SLC4A5: variants seen among roughly 807,000 people sequenced by gnomAD.
SLC4A5 encodes solute carrier family 4 member 5.
SLC4A5 carries 96 observed loss-of-function variants against 120.4 expected under a neutral mutation model. That is an observed-to-expected ratio of 0.80 (90% CI 0.68 to 0.94). The LOEUF is 0.94. Ranked by LOEUF, SLC4A5 falls within the 40% of genes least tolerant of loss-of-function variation. The pLI, the probability that SLC4A5 is intolerant of heterozygous loss-of-function variation, is 0.00. For synonymous variants in SLC4A5, 550 were observed against 571.1 expected, an observed-to-expected ratio of 0.96 and a Z score of 0.53; for missense variants, 1,259 against 1,459.5, an observed-to-expected ratio of 0.86 and a Z score of 2.24.
At chr2:74,247,100 G>A in exon 19 of SLC4A5, 1 of 1,614,202 alleles carries the variant, frequency 6.2e-7, no homozygotes, top group Non-Finnish European at 8.5e-7. Flanking sequence ...AGTCCATATT[G>A]ATAGGGTAGT....
chr2:74,289,408 C>T (rs977813386), intron 7 of SLC4A5, among the ~76,000 whole-genome samples: 4 of 152,108 alleles, frequency 2.6e-5, no homozygotes, highest in African/African-American at 9.7e-5. Context: ...CCTCCACCAC[C>T]TGGGTTCAAG....
At position 74,252,357 on chromosome 2, in the gene SLC4A5, G is replaced by A; in HGVS notation, c.1300C>T (p.Gln434Ter). ...CCTCCTCCCACAGAGCCATTCATCT[G>A]GCCCAGCTCTGCTAGGGAGAACACA... Residue 434 changes from glutamine to a stop codon, truncating the protein, a stop_gained, in exon 16 of 31, where the codon CAG becomes TAG. Coordinates refer to ENST00000394019, the Ensembl canonical transcript of SLC4A5. LOFTEE classifies it high-confidence loss of function. 6.2e-7 allele frequency: 1 copy of A among 1,613,712 alleles called. No homozygotes were observed. Among genetic ancestry groups the A allele is most frequent in the Non-Finnish European group, 8.5e-7 (1 of 1,180,010 alleles).
chr2:74,228,354 G>A (rs1694922081), intron 25 of SLC4A5, among the ~76,000 whole-genome samples: 1 of 152,194 alleles, frequency 6.6e-6, no homozygotes, highest in Non-Finnish European at 1.5e-5. Context: ...CCGGCCGGGT[G>A]TGGTGGCTCA....
chr2:74,242,880 C>T (rs558392099), intron 19 of SLC4A5, among the ~76,000 whole-genome samples: 1 of 152,332 alleles, frequency 6.6e-6, no homozygotes, highest in Non-Finnish European at 1.5e-5. Flanking sequence ...TCTTGAACTC[C>T]TGACCTCAAG....
intron 16 of SLC4A5, among the ~76,000 whole-genome samples, chr2:74,251,135 C>A (rs562554421): frequency 6.6e-6 from 1 of 152,070 alleles, no homozygotes; most frequent in Admixed American, 6.5e-5. Flanking sequence ...TACTCCTTTG[C>A]TGCAGGGGCT....
intron 22 of SLC4A5, 92 bp from the exon 23 acceptor site, chr2:74,233,655 C>G: frequency 7.0e-7 from 1 of 1,421,184 alleles, no homozygotes; most frequent in East Asian, 2.5e-5. Context: ...CCTCAACTTT[C>G]CCTGACTTTG....
Position 74,291,365 on chromosome 2 carries a change from A to T in SLC4A5, c.272-5463T>A, listed in dbSNP as rs536113369. On this transcript the variant is annotated intron_variant, in intron 7 of 30. Transcript: ENST00000394019. ...TGCCAAGGTTGATTGGAGGTCACTG[A>T]GTGGTGGCTGCTCCAGGGAGTTACA... 5.8e-4 allele frequency among the ~76,000 whole-genome samples: 88 copies of T among 152,354 alleles called. 1 individual carries two copies. In the South Asian group the frequency reaches 0.018, roughly 32 times the overall value.
intron 8 of SLC4A5, among the ~76,000 whole-genome samples, chr2:74,281,984 T>C (rs1456190178): frequency 6.6e-6 from 1 of 152,240 alleles, no homozygotes; most frequent in Non-Finnish European, 1.5e-5. Context: ...CCCATTATGA[T>C]TTACTGATTC....
chr2:74,273,386 CATTT>C (rs1671537315), intron 8 of SLC4A5, among the ~76,000 whole-genome samples: 1 of 152,198 alleles, frequency 6.6e-6, no homozygotes, highest in African/African-American at 2.4e-5. Flanking sequence ...TGCCTCCAAA[CATTT>C]GTTTTAAGAA....
intron 25 of SLC4A5, among the ~76,000 whole-genome samples, chr2:74,228,381 A>ACAC (rs1694923084): frequency 1.3e-5 from 2 of 152,316 alleles, no homozygotes; most frequent in Non-Finnish European, 2.9e-5. Flanking sequence ...TAGTCCTAGC[A>ACAC]CTTTGGGAGG....
At chr2:74,278,143 T>G (rs1671702918) in intron 8 of SLC4A5, among the ~76,000 whole-genome samples, 1 of 152,214 alleles carries the variant, frequency 6.6e-6, no homozygotes, top group Admixed American at 6.5e-5. Flanking sequence ...TTATTCCCCT[T>G]CTGACAGCTG....
Position 74,255,465 on chromosome 2 carries a change from T to G in SLC4A5, c.1025+310A>C, listed in dbSNP as rs929052202. ...GTACCACCACACCTGGCTAATTTTTTTGTATTTTTAGTAGAGACGGGGTTT... is the reference window on the plus strand; with the variant it reads ...GTACCACCACACCTGGCTAATTTTTGTGTATTTTTAGTAGAGACGGGGTTT... On this transcript the variant is annotated intron_variant, in intron 13 of 30. Coordinates refer to ENST00000394019, the Ensembl canonical transcript of SLC4A5. The surrounding 1 kb of genome is among the most constrained non-coding windows in gnomAD (Gnocchi z 4.0). 1.3e-5 allele frequency among the ~76,000 whole-genome samples: 2 copies of G among 152,040 alleles called. No homozygotes were observed. Among genetic ancestry groups the G allele is most frequent in the Non-Finnish European group, 2.9e-5 (2 of 67,998 alleles).
chr2:74,285,987 A>G lies in SLC4A5; in HGVS notation c.272-85T>C, dbSNP rs1671970259. 6.3e-6 allele frequency: 9 copies of G among 1,422,578 alleles called. No homozygotes were observed. In the East Asian group the frequency reaches 1.6e-4, roughly 25 times the overall value. 88.1% of individuals were successfully genotyped at this position (1,422,578 alleles called of 1,614,324 possible). On this transcript the variant is annotated intron_variant, in intron 7 of 30. Coordinates refer to ENST00000394019, the Ensembl canonical transcript of SLC4A5. Reference sequence around the variant, plus strand: ...GCCAACAGAAATGGAGTAGGAGGCAAGCACAAGGGAAAAGTATTTTCTAAT... The same window carrying G: ...GCCAACAGAAATGGAGTAGGAGGCAGGCACAAGGGAAAAGTATTTTCTAAT...
At chr2:74,265,435 ACTC>A (rs1671273749) in intron 8 of SLC4A5, among the ~76,000 whole-genome samples, 171 bp from the exon 9 acceptor site, 1 of 151,822 alleles carries the variant, frequency 6.6e-6, no homozygotes, top group Non-Finnish European at 1.5e-5. Flanking sequence ...TTTGTCCCCC[ACTC>A]CTCCTGATAC....
chr2:74,283,070 C>T (rs573636942), intron 8 of SLC4A5, among the ~76,000 whole-genome samples: 1 of 152,192 alleles, frequency 6.6e-6, no homozygotes, highest in African/African-American at 2.4e-5. Flanking sequence ...CTGACCCCAA[C>T]AGAATTGCTT....
chr2:74,295,010 T>C (rs570841191), intron 7 of SLC4A5, among the ~76,000 whole-genome samples: 1 of 152,192 alleles, frequency 6.6e-6, no homozygotes, highest in South Asian at 2.1e-4. Flanking sequence ...GCTAGACTGA[T>C]AGATGGTCTT....
chr2:74,233,174 G>A (rs1237354096), intron 23 of SLC4A5, among the ~76,000 whole-genome samples: 2 of 152,180 alleles, frequency 1.3e-5, no homozygotes, highest in Non-Finnish European at 2.9e-5. Context: ...TGTGCCCAGT[G>A]GCCCAGCCTA....
intron 7 of SLC4A5, among the ~76,000 whole-genome samples, chr2:74,304,280 G>A (rs145116018): frequency 1.3e-5 from 2 of 152,222 alleles, no homozygotes; most frequent in African/African-American, 2.4e-5. Flanking sequence ...AAAGTCCCCA[G>A]AGAAAGACAG....
intron 8 of SLC4A5, among the ~76,000 whole-genome samples, chr2:74,270,121 G>C (rs1319209249): frequency 1.3e-5 from 2 of 152,280 alleles, no homozygotes; most frequent in South Asian, 4.1e-4. Context: ...CAGAAAATTT[G>C]ATTTAAGAAA....
Sources: gnomAD v4.1 joint callset for allele counts (sites outside exome capture counted in the v4.1 genomes callset) on GRCh38, gnomAD v4.1.1 for gene constraint, Gnocchi (gnomAD v3.1) non-coding constraint, MANE v1.5 for transcripts, NCBI Gene and HGNC (gene_info 2026-07-23, HGNC 2026-07-21) for gene names.